Variants in NBPF26 observed in about 807,000 individuals in gnomAD.
NBPF26 encodes NBPF family member NBPF26.
In NBPF26, 79 loss-of-function variants were observed where a neutral mutation model predicts 119.6. The observed-to-expected ratio is 0.66, with a 90% CI of 0.55 to 0.80. The LOEUF (loss-of-function observed/expected upper bound fraction) is 0.80, where lower values mean the gene tolerates loss of function less well. NBPF26 is among the 30% of genes least tolerant of loss of function. The probability of loss-of-function intolerance (pLI) is 0.00; values close to 1 mark genes in which losing one functional copy is unlikely to be tolerated. For missense variants in NBPF26, 800 were observed against 1,198.2 expected, an observed-to-expected ratio of 0.67 and a Z score of 4.91; for synonymous variants, 299 against 457.7, an observed-to-expected ratio of 0.65 and a Z score of 4.43.
chr1:120,823,793 T>TGTGTGTGTGTG (rs1652190032), intron 17 of NBPF26, among the ~76,000 whole-genome samples, 181 bp from the exon 18 acceptor site: 2 of 112,586 alleles, frequency 1.8e-5, no homozygotes, highest in Admixed American at 8.6e-5. Context: ...TGTGTGTGTC[T>TGTGTGTGTGTG]TTCATCTTTT....
intron 1 of NBPF26, among the ~76,000 whole-genome samples, chr1:120,730,495 G>C (rs1466679194): frequency 1.2e-5 from 1 of 81,768 alleles, no homozygotes; most frequent in Non-Finnish European, 2.1e-5. Context: ...GAAGGAAGTG[G>C]CTTCAGATCT....
At chr1:120,752,550 ATATATTT>A (rs1651031486) in intron 1 of NBPF26, among the ~76,000 whole-genome samples, 1 of 9,860 alleles carries the variant, frequency 1.0e-4, no homozygotes, top group Non-Finnish European at 1.7e-4. Context: ...ATATATATAT[ATATATTT>A]TTTTTTTTTT....
intron 11 of NBPF26, among the ~76,000 whole-genome samples, chr1:120,814,500 T>G (rs1356924277): frequency 2.1e-4 from 24 of 112,660 alleles, no homozygotes; most frequent in African/African-American, 1.1e-3. Context: ...GCACTATGTG[T>G]ATTTTCACAT....
intron 2 of NBPF26, among the ~76,000 whole-genome samples, chr1:120,781,768 C>T (rs1222605716): frequency 8.7e-6 from 1 of 115,494 alleles, no homozygotes; most frequent in East Asian, 2.0e-4. Flanking sequence ...CTGTGTTAGC[C>T]AGGATGGTCT....
intron 8 of NBPF26, 64 bp from the exon 9 acceptor site, chr1:120,810,283 C>T: frequency 6.8e-7 from 1 of 1,467,636 alleles, no homozygotes; most frequent in Non-Finnish European, 9.2e-7. Flanking sequence ...CCAGCTAGGA[C>T]TCCATGGGGT....
intron 17 of NBPF26, among the ~76,000 whole-genome samples, chr1:120,823,749 G>T (rs1473279772): frequency 6.3e-5 from 2 of 31,694 alleles, no homozygotes; most frequent in African/African-American, 2.7e-4. Context: ...CACTGAGCTC[G>T]CTCTGTGTGT....
intron 2 of NBPF26, among the ~76,000 whole-genome samples, chr1:120,779,686 A>C: frequency 8.2e-6 from 1 of 122,364 alleles, no homozygotes; most frequent in East Asian, 2.0e-4. Flanking sequence ...GGAATTATAG[A>C]TATGTAAGGG....
chr1:120,823,334 G>C lies in NBPF26; in HGVS notation c.2613G>C (p.Lys871Asn), dbSNP rs1652165610. 6.3e-6 allele frequency: 9 copies of C among 1,424,032 alleles called. 3 individuals carry two copies. Among genetic ancestry groups the C allele is most frequent in the Non-Finnish European group, 7.5e-6 (8 of 1,071,606 alleles). The allele number at this position is 1,424,032 out of a possible 1,614,324, so 88.2% of individuals were successfully genotyped here. A position where few individuals can be genotyped will look rare whatever the true frequency, so the allele number is the denominator to read the frequency against. Residue 871 changes from lysine (K) to asparagine (N), a missense_variant, in exon 17 of 30, where the codon AAG (lysine) becomes AAC (asparagine). Lys to Asn is a moderately conservative substitution (Grantham distance 94). Coordinates refer to ENST00000620612, the Ensembl canonical transcript of NBPF26. Reference sequence around the variant, plus strand: ...GACATCGGTGGGATCAAGTGAAAAAGGAGGACCACGAGGCAACAGGTCCCA... The same window carrying C: ...GACATCGGTGGGATCAAGTGAAAAACGAGGACCACGAGGCAACAGGTCCCA...
exon 1 of NBPF26, chr1:120,724,110 C>T: frequency 1.5e-6 from 2 of 1,342,810 alleles, no homozygotes; most frequent in South Asian, 1.4e-5. Flanking sequence ...GGGACCCCCT[C>T]CCCATGTGGA....
chr1:120,816,575 CCT>C (rs1652011899), intron 13 of NBPF26, 45 bp from the exon 14 acceptor site: 1 of 771,960 alleles, frequency 1.3e-6, no homozygotes, highest in Non-Finnish European at 1.9e-6. Flanking sequence ...GGGTCCAATC[CCT>C]CTGTGTTTAA....
intron 2 of NBPF26, among the ~76,000 whole-genome samples, chr1:120,779,397 G>GA (rs1651337143): frequency 9.6e-6 from 1 of 104,514 alleles, no homozygotes; most frequent in Non-Finnish European, 1.9e-5. Context: ...GTTTAAAATG[G>GA]AAAAATGCTC....
chr1:120,814,192 C>G (rs1407036324), intron 11 of NBPF26, among the ~76,000 whole-genome samples, 199 bp downstream of exon 11: 1 of 118,388 alleles, frequency 8.4e-6, no homozygotes, highest in Non-Finnish European at 1.7e-5. Context: ...TTTCTCAGAG[C>G]CTTGTTTTCT....
Position 120,822,952 on chromosome 1 carries a change from A to T in NBPF26, c.2588-357A>T, listed in dbSNP as rs1368901661. Among the ~76,000 whole-genome samples the T allele has an allele frequency of 4.4e-4, 55 of 126,112 alleles. 19 individuals carry two copies. The highest frequency in any genetic ancestry group is 2.0e-3 in the African/African-American group (53 of 26,580). The allele number at this position is 126,112 out of a possible 152,430, so 82.7% of individuals were successfully genotyped here. On this transcript the variant is annotated intron_variant, in intron 16 of 29. Transcript: ENST00000620612. Reference sequence around the variant, plus strand: ...TGTCCACAATCTCATAAACTATCAAATTCTGGGTATTTAATGAGAAAAGCC... The same window carrying T: ...TGTCCACAATCTCATAAACTATCAATTTCTGGGTATTTAATGAGAAAAGCC...
In NBPF26 at chr1:120,730,589, C is replaced by T. The variant is rs1335463472; in HGVS notation, c.73+6339C>T. On this transcript the variant is annotated intron_variant, in intron 1 of 29. Coordinates refer to ENST00000620612, the Ensembl canonical transcript of NBPF26. ...GGTTTGCCGTAGATCTGTTTTTTCT[C>T]CTGTCTCACTTTTTGGAGGAGAATA... 3.5e-5 allele frequency among the ~76,000 whole-genome samples: 4 copies of T among 114,558 alleles called. 2 individuals carry two copies. The highest frequency in any genetic ancestry group is 1.1e-4 in the African/African-American group (2 of 18,898). 75.2% of individuals were successfully genotyped at this position (114,558 alleles called of 152,430 possible).
intron 15 of NBPF26, among the ~76,000 whole-genome samples, chr1:120,818,653 A>G: frequency 8.0e-6 from 1 of 125,386 alleles, no homozygotes; most frequent in Admixed American, 7.7e-5. Flanking sequence ...CATTGCTTTA[A>G]ATGTGTCCCA....
intron 2 of NBPF26, among the ~76,000 whole-genome samples, chr1:120,765,936 C>T (rs1468652877): frequency 1.4e-5 from 1 of 69,964 alleles, no homozygotes; most frequent in Non-Finnish European, 2.4e-5. Context: ...ACAATGAGAA[C>T]ACATGGACAC....
At chr1:120,764,295 G>C (rs1651165997) in intron 2 of NBPF26, among the ~76,000 whole-genome samples, 1 of 105,998 alleles carries the variant, frequency 9.4e-6, no homozygotes, top group Non-Finnish European at 1.8e-5. Context: ...AGATTCCCTT[G>C]TGTTTTTCAG....
At chr1:120,810,601 A>C (rs1651837888) in intron 9 of NBPF26, 43 bp downstream of exon 9, 1 of 1,361,798 alleles carries the variant, frequency 7.3e-7, no homozygotes, top group Non-Finnish European at 1.0e-6. Context: ...TGTCTAGGCT[A>C]TGGAAGGTCA....
intron 4 of NBPF26, among the ~76,000 whole-genome samples, chr1:120,800,475 T>C (rs1215895449): frequency 1.6e-5 from 1 of 63,016 alleles, no homozygotes; most frequent in Non-Finnish European, 2.7e-5. Flanking sequence ...AATTTTTTGG[T>C]AAACATTTAT....
Sources: allele counts gnomAD v4.1 joint callset (sites outside exome capture counted in the v4.1 genomes callset), GRCh38; gene constraint gnomAD v4.1.1; transcripts MANE v1.5; gene names NCBI Gene and HGNC (gene_info 2026-07-23, HGNC 2026-07-21).